AJAP1: variants seen among roughly 807,000 people sequenced by gnomAD.
The protein encoded by AJAP1 is adherens junctions associated protein 1.
AJAP1 carries 5 observed loss-of-function variants against 35.0 expected under a neutral mutation model. That is an observed-to-expected ratio of 0.14 (90% CI 0.07 to 0.30). The LOEUF (loss-of-function observed/expected upper bound fraction) is 0.30. AJAP1 is among the 10% of genes least tolerant of loss of function. The pLI is 1.00. For synonymous variants in AJAP1, 284 were observed against 249.3 expected (o/e 1.14, Z -1.31); for missense variants, 586 against 571.0 (o/e 1.03, Z -0.27).
At chr1:4,757,724 A>G (rs2100341734) in intron 2 of AJAP1, among the ~76,000 whole-genome samples, 1 of 152,284 alleles carries the variant, frequency 6.6e-6, no homozygotes, top group East Asian at 1.9e-4. Flanking sequence ...CTGGATGGGG[A>G]CACTGCTTGC....
intron 2 of AJAP1, among the ~76,000 whole-genome samples, chr1:4,757,831 A>G (rs540896076): frequency 2.6e-5 from 4 of 152,308 alleles, no homozygotes; most frequent in South Asian, 2.1e-4. Flanking sequence ...GTGCTTTTCT[A>G]TAATATCTTG....
chr1:4,781,857 G>T (rs1357106717), intron 5 of AJAP1, among the ~76,000 whole-genome samples: 1 of 152,198 alleles, frequency 6.6e-6, no homozygotes, highest in Non-Finnish European at 1.5e-5. Flanking sequence ...ATTTTCCGAG[G>T]CTCGGGCTGG....
intron 1 of AJAP1, among the ~76,000 whole-genome samples, chr1:4,708,406 T>C (rs997272823): frequency 7.9e-5 from 12 of 151,842 alleles, no homozygotes; most frequent in African/African-American, 2.9e-4. Context: ...CCAGAGGAGG[T>C]GTGGGGTCGC....
Position 4,655,473 on chromosome 1 carries a change from G to T in AJAP1, c.29+19G>T. ...GACTCAGGTGAGCGACCCGGCCGGC[G>T]CCGGGTGCGTGTGGGCGCGTGGGTG... On this transcript the variant is annotated intron_variant, in intron 1 of 5. Coordinates refer to ENST00000378191, the MANE Select transcript of AJAP1 (RefSeq NM_018836.4). This position sits in a 1 kb window ranked among gnomAD's most constrained non-coding sequence, Gnocchi z 6.9. 2.6e-6 allele frequency: 4 copies of T among 1,564,140 alleles called. No homozygotes were observed. The highest frequency in any genetic ancestry group is 2.6e-6 in the Non-Finnish European group (3 of 1,154,514).
intron 2 of AJAP1, among the ~76,000 whole-genome samples, chr1:4,721,124 C>T (rs1033732843): frequency 1.3e-5 from 2 of 152,228 alleles, no homozygotes; most frequent in Non-Finnish European, 2.9e-5. Flanking sequence ...GTTTGCCCAG[C>T]AGATGTGCTG....
At chr1:4,746,702 A>G (rs1442726088) in intron 2 of AJAP1, among the ~76,000 whole-genome samples, 6 of 152,210 alleles carry the variant, frequency 3.9e-5, no homozygotes. Flanking sequence ...ATTGAATTCT[A>G]TTCCTTGCAG....
At chr1:4,698,261 C>G (rs6661745) in intron 1 of AJAP1, among the ~76,000 whole-genome samples, 28,025 of 152,090 alleles carry the variant, frequency 0.18, 2,977 homozygotes, top group East Asian at 0.35. Flanking sequence ...GGACATGTTG[C>G]CCCCACGCCG....
At position 4,666,137 on chromosome 1, in the gene AJAP1, C is replaced by T. The variant is rs999777925; in HGVS notation, c.29+10683C>T. 1.1e-4 allele frequency among the ~76,000 whole-genome samples: 16 copies of T among 148,822 alleles called. No homozygotes were observed. In the East Asian group the frequency reaches 3.3e-3, roughly 30 times the overall value. ...CCCGCAGTGAAATAGCCCACTGAGG[C>T]TCCTCCGGCCCACCCAGGAGGGGCA... On this transcript the variant is annotated intron_variant, in intron 1 of 5. Coordinates refer to ENST00000378191, the MANE Select transcript of AJAP1 (RefSeq NM_018836.4).
intron 3 of AJAP1, among the ~76,000 whole-genome samples, chr1:4,770,879 C>T (rs1641819204): frequency 6.6e-6 from 1 of 152,158 alleles, no homozygotes; most frequent in African/African-American, 2.4e-5. Context: ...CTCAAAGCCA[C>T]CTCCTGATAG....
Position 4,782,868 on chromosome 1 carries a change from A to G in AJAP1, c.*383A>G. 1 of 398,608 alleles carries G rather than the reference A, an allele frequency of 2.5e-6. No individual in the cohort carries two copies. The highest frequency in any genetic ancestry group is 4.4e-6 in the Non-Finnish European group (1 of 226,054). The allele number at this position is 398,608 out of a possible 1,614,324, so 24.7% of individuals were successfully genotyped here. A position where few individuals can be genotyped will look rare whatever the true frequency, so the allele number is the denominator to read the frequency against. On this transcript the variant is annotated 3_prime_UTR_variant, in exon 6 of 6. Transcript: ENST00000378191. This position sits in a 1 kb window ranked among gnomAD's most constrained non-coding sequence, Gnocchi z 5.3. ...CCTAGGATTCGTCCTACGATTCTGA[A>G]CCTGTGCCAATAATACCATTATGTG...
At chr1:4,769,495 A>G (rs545616990) in intron 2 of AJAP1, among the ~76,000 whole-genome samples, 1 of 152,312 alleles carries the variant, frequency 6.6e-6, no homozygotes, top group East Asian at 1.9e-4. Context: ...TATCTCACCC[A>G]GAGCTGACCT....
chr1:4,753,955 T>A (rs1641374032), intron 2 of AJAP1, among the ~76,000 whole-genome samples: 1 of 152,224 alleles, frequency 6.6e-6, no homozygotes. Flanking sequence ...TTGTTTTTTC[T>A]CTTTGGTTTT....
intron 1 of AJAP1, among the ~76,000 whole-genome samples, chr1:4,670,655 G>C (rs904132427): frequency 6.6e-6 from 1 of 152,198 alleles, no homozygotes; most frequent in Non-Finnish European, 1.5e-5. Context: ...CCCCACTCCA[G>C]TGCCCAGGTT....
At chr1:4,676,513 C>A (rs1639366733) in intron 1 of AJAP1, among the ~76,000 whole-genome samples, 1 of 152,094 alleles carries the variant, frequency 6.6e-6, no homozygotes, top group Non-Finnish European at 1.5e-5. Context: ...AACAGTGAAA[C>A]CAACGCTGCC....
Position 4,724,012 on chromosome 1 carries a change from C to T in AJAP1, c.829+11313C>T, listed in dbSNP as rs538078547. 5.3e-5 allele frequency among the ~76,000 whole-genome samples: 8 copies of T among 152,324 alleles called. No individual in the cohort carries two copies. In the South Asian group the frequency reaches 1.7e-3, roughly 32 times the overall value. ...AGCCTGGTTTCCGAATTCTGTGTTT[C>T]TCCCCGAGGGCTGACCTTTTTCCTC... On this transcript the variant is annotated intron_variant, in intron 2 of 5. Transcript: ENST00000378191.
At chr1:4,718,777 G>C (rs187705187) in intron 2 of AJAP1, among the ~76,000 whole-genome samples, 2 of 152,218 alleles carry the variant, frequency 1.3e-5, no homozygotes, top group East Asian at 1.9e-4. Flanking sequence ...CACCACGCCC[G>C]GCCTCCTAAG....
Position 4,655,549 on chromosome 1 carries a change from C to T in AJAP1, c.29+95C>T, listed in dbSNP as rs1638859432. 2.8e-6 allele frequency: 4 copies of T among 1,444,292 alleles called. No homozygotes were observed. In the South Asian group the frequency reaches 5.0e-5, roughly 18 times the overall value. The allele number at this position is 1,444,292 out of a possible 1,614,324, so 89.5% of individuals were successfully genotyped here. On this transcript the variant is annotated intron_variant, in intron 1 of 5. Coordinates refer to ENST00000378191, the MANE Select transcript of AJAP1 (RefSeq NM_018836.4). The surrounding 1 kb of genome is among the most constrained non-coding windows in gnomAD (Gnocchi z 6.9). ...CCTCTATGTTGCAAATCAAGGGACC[C>T]CTCTTCGCTTCCCGCAAGCGGGCAA...
intron 2 of AJAP1, among the ~76,000 whole-genome samples, chr1:4,715,636 GATCCTGCCATTGCACTCCAGCCTGGGCA>G: frequency 6.6e-6 from 1 of 152,228 alleles, no homozygotes; most frequent in Admixed American, 6.5e-5. Context: ...GGTGAGCCAA[GATCCTGCCATTGCACTCCAGCCTGGGCA>G]ATAAGAGTGA....
At position 4,656,449 on chromosome 1, in the gene AJAP1, T is replaced by C. The variant is rs1007204051; in HGVS notation, c.29+995T>C. Reference sequence around the variant, plus strand: ...GTGGAGGCGGAGAGCAGCGTGCGGTTCTCGAGTTTGTCCACTGGGATGCAC... The same window carrying C: ...GTGGAGGCGGAGAGCAGCGTGCGGTCCTCGAGTTTGTCCACTGGGATGCAC... On this transcript the variant is annotated intron_variant, in intron 1 of 5. Coordinates refer to ENST00000378191, the MANE Select transcript of AJAP1 (RefSeq NM_018836.4). This position sits in a 1 kb window ranked among gnomAD's most constrained non-coding sequence, Gnocchi z 5.7. Among the ~76,000 whole-genome samples the C allele has an allele frequency of 6.6e-6, 1 of 152,166 alleles. No individual in the cohort carries two copies. The highest frequency in any genetic ancestry group is 2.1e-4 in the South Asian group (1 of 4,836).
Sources: gnomAD v4.1 joint callset for allele counts (sites outside exome capture counted in the v4.1 genomes callset) on GRCh38, gnomAD v4.1.1 for gene constraint, Gnocchi (gnomAD v3.1) non-coding constraint, MANE v1.5 for transcripts, NCBI Gene and HGNC (gene_info 2026-07-23, HGNC 2026-07-21) for gene names.